Variants in GLIS3 observed in about 807,000 individuals in gnomAD.
GLIS3 encodes zinc finger protein GLIS3.
GLIS3 carries 53 observed loss-of-function variants against 78.6 expected under a neutral mutation model. The ratio of observed to expected loss-of-function variants is 0.67; its 90% CI spans 0.54 to 0.85. GLIS3 has a LOEUF of 0.85. GLIS3 is among the 40% of genes least tolerant of loss of function. The pLI is 0.00. For missense variants in GLIS3, 1,703 were observed against 1,231.1 expected, an observed-to-expected ratio of 1.38 and a Z score of -5.74; for synonymous variants, 684 against 509.9, an observed-to-expected ratio of 1.34 and a Z score of -4.60.
intron 2 of GLIS3, among the ~76,000 whole-genome samples, chr9:4,222,904 G>T (rs1442569522): frequency 3.3e-5 from 5 of 152,188 alleles, no homozygotes; most frequent in Non-Finnish European, 7.3e-5. Flanking sequence ...TGAGCAGAGG[G>T]AACGGGGAAT....
At chr9:4,127,566 A>C (rs538063685) in intron 2 of GLIS3, among the ~76,000 whole-genome samples, 1 of 152,298 alleles carries the variant, frequency 6.6e-6, no homozygotes, top group Admixed American at 6.5e-5. Flanking sequence ...ATGTAACTGC[A>C]TCATAAATTC....
chr9:4,425,617 C>T, the GLIS3 span, among the ~76,000 whole-genome samples: 1 of 152,246 alleles, frequency 6.6e-6, no homozygotes, highest in East Asian at 1.9e-4. Flanking sequence ...GGGTAGAGAT[C>T]CTTCCAGACA....
the GLIS3 span, among the ~76,000 whole-genome samples, chr9:4,414,859 C>G: frequency 6.6e-6 from 1 of 152,102 alleles, no homozygotes; most frequent in African/African-American, 2.4e-5. Flanking sequence ...CACCGAGAAT[C>G]CTGTTAGGTC....
intron 2 of GLIS3, among the ~76,000 whole-genome samples, chr9:4,283,993 C>G (rs1827776444): frequency 1.3e-5 from 2 of 152,208 alleles, no homozygotes; most frequent in Admixed American, 1.3e-4. Context: ...AATCAAGAAG[C>G]AGCACTACTT....
In GLIS3 at chr9:4,256,543, G is replaced by C. The variant is rs182761711; in HGVS notation, c.388+29495C>G. ...AAGGACACTTTGGAAATAGAAACTG[G>C]TATGATCTTTCTGAATGGTAAGTTG... On this transcript the variant is annotated intron_variant, in intron 2 of 10. Coordinates refer to ENST00000381971, the MANE Select transcript of GLIS3 (RefSeq NM_001042413.2). Among the ~76,000 whole-genome samples the C allele has an allele frequency of 7.2e-5, 11 of 152,246 alleles. No individual in the cohort carries two copies. In the East Asian group the frequency reaches 2.1e-3, roughly 29 times the overall value.
At chr9:4,104,717 C>T (rs562996119) in intron 4 of GLIS3, among the ~76,000 whole-genome samples, 81 of 152,256 alleles carry the variant, frequency 5.3e-4, no homozygotes, top group Non-Finnish European at 8.4e-4. Flanking sequence ...CACACTTGGC[C>T]AACACTCCTG....
At chr9:3,965,497 C>G (rs789262) in intron 4 of GLIS3, among the ~76,000 whole-genome samples, 1 of 151,900 alleles carries the variant, frequency 6.6e-6, no homozygotes, top group East Asian at 1.9e-4. Flanking sequence ...CCCAACGCCT[C>G]TTTCCTAATT....
intron 2 of GLIS3, among the ~76,000 whole-genome samples, chr9:4,128,327 G>C (rs893626119): frequency 1.3e-5 from 2 of 152,154 alleles, no homozygotes; most frequent in Admixed American, 1.3e-4. Context: ...AGCACCTATA[G>C]TGCTTCAGGG....
chr9:4,371,893 G>T, the GLIS3 span, among the ~76,000 whole-genome samples: 2 of 152,180 alleles, frequency 1.3e-5, no homozygotes, highest in Non-Finnish European at 2.9e-5. Context: ...AACGCATCCA[G>T]AATTGAACTG....
intron 4 of GLIS3, among the ~76,000 whole-genome samples, chr9:3,999,051 A>G (rs1333817822): frequency 2.0e-5 from 3 of 152,076 alleles, no homozygotes; most frequent in Non-Finnish European, 4.4e-5. Flanking sequence ...ACTCTTTTGT[A>G]CCTTGCTTAT....
chr9:4,328,613 T>C (rs553053277), intron 2 of GLIS3, among the ~76,000 whole-genome samples: 3 of 152,320 alleles, frequency 2.0e-5, no homozygotes, highest in South Asian at 2.1e-4. Context: ...ATCATGATTA[T>C]GTATGTTAAG....
At chr9:3,932,745 G>T (rs1469072038) in intron 5 of GLIS3, 2 of 435,738 alleles carry the variant, frequency 4.6e-6, no homozygotes, top group Non-Finnish European at 8.8e-6. Flanking sequence ...AACCTCTTGG[G>T]GCATTTTTTA....
At chr9:4,208,074 C>G (rs930286667) in intron 2 of GLIS3, among the ~76,000 whole-genome samples, 3 of 152,222 alleles carry the variant, frequency 2.0e-5, no homozygotes, top group Non-Finnish European at 4.4e-5. Context: ...ACATTAACCT[C>G]TTTGCCTGCC....
chr9:4,202,373 G>C (rs975690756), intron 2 of GLIS3, among the ~76,000 whole-genome samples: 5 of 150,712 alleles, frequency 3.3e-5, no homozygotes, highest in Admixed American at 6.6e-5. Flanking sequence ...GGATGGTCTG[G>C]AACTCCTGAC....
intron 4 of GLIS3, among the ~76,000 whole-genome samples, chr9:3,958,075 C>G (rs1817271130): frequency 6.6e-6 from 1 of 152,212 alleles, no homozygotes; most frequent in Non-Finnish European, 1.5e-5. Flanking sequence ...CCATGACTGA[C>G]TTTCCACCAG....
intron 8 of GLIS3, among the ~76,000 whole-genome samples, chr9:3,876,097 A>G (rs118186575): frequency 0.031 from 4,757 of 152,246 alleles, 105 homozygotes; most frequent in Middle Eastern, 0.058. Context: ...CTAAATCTCA[A>G]AAAAGCTAAG....
At chr9:4,250,909 T>C (rs1031139715) in intron 2 of GLIS3, among the ~76,000 whole-genome samples, 6 of 152,234 alleles carry the variant, frequency 3.9e-5, no homozygotes, top group East Asian at 3.8e-4. Flanking sequence ...AGTTTCTATG[T>C]AGTTGTGCGG....
At chr9:3,940,090 C>A (rs1368332341) in intron 4 of GLIS3, among the ~76,000 whole-genome samples, 4 of 152,166 alleles carry the variant, frequency 2.6e-5, no homozygotes, top group African/African-American at 9.7e-5. Context: ...GGGAATAACC[C>A]TGTAATTCAT....
At chr9:3,843,812 A>G (rs1472021010) in intron 9 of GLIS3, among the ~76,000 whole-genome samples, 3 of 152,220 alleles carry the variant, frequency 2.0e-5, no homozygotes, top group Non-Finnish European at 2.9e-5. Context: ...TGGCAAGGAA[A>G]TTTAAGAACT....
Sources: gnomAD v4.1 joint callset for allele counts (sites outside exome capture counted in the v4.1 genomes callset) on GRCh38, gnomAD v4.1.1 for gene constraint, MANE v1.5 for transcripts, NCBI Gene and HGNC (gene_info 2026-07-23, HGNC 2026-07-21) for gene names.